Variants in NLGN1 observed in about 807,000 individuals in gnomAD.
NLGN1 encodes the protein neuroligin 1.
A neutral mutation model predicts 65.5 loss-of-function variants in NLGN1; 12 were observed. That is an observed-to-expected ratio of 0.18 (90% CI 0.12 to 0.30). The LOEUF is 0.30. Among genes scored for constraint, NLGN1 ranks in the 10% least tolerant of loss-of-function variants. The pLI, the probability that NLGN1 is intolerant of heterozygous loss-of-function variation, is 1.00. For missense variants in NLGN1, 750 were observed against 1,007.1 expected (o/e 0.74, Z 3.46); for synonymous variants, 350 against 359.5 (o/e 0.97, Z 0.30).
chr3:173,933,950 A>G (rs1475451979), intron 4 of NLGN1, among the ~76,000 whole-genome samples: 1 of 151,936 alleles, frequency 6.6e-6, no homozygotes, highest in Non-Finnish European at 1.5e-5. Flanking sequence ...AGGATGTTCT[A>G]TTAAATAATA....
At chr3:173,624,353 G>T (rs550123533) in intron 3 of NLGN1, among the ~76,000 whole-genome samples, 1 of 152,166 alleles carries the variant, frequency 6.6e-6, no homozygotes, top group Non-Finnish European at 1.5e-5. Context: ...TGAGTTTCAA[G>T]ACTTCACTTC....
At chr3:173,663,371 TG>T (rs1166040031) in intron 3 of NLGN1, among the ~76,000 whole-genome samples, 9 of 152,036 alleles carry the variant, frequency 5.9e-5, no homozygotes, top group Admixed American at 1.3e-4. Flanking sequence ...TGCACAAAGT[TG>T]TTTAACTTAT....
At chr3:173,958,386 A>G (rs891286570) in intron 4 of NLGN1, among the ~76,000 whole-genome samples, 19 of 152,264 alleles carry the variant, frequency 1.2e-4, no homozygotes, top group African/African-American at 4.3e-4. Context: ...CTGGCAGGGT[A>G]TCCTGATGAG....
intron 2 of NLGN1, among the ~76,000 whole-genome samples, chr3:173,572,273 C>T (rs932814218): frequency 6.6e-6 from 1 of 152,158 alleles, no homozygotes; most frequent in African/African-American, 2.4e-5. Flanking sequence ...TTTTTACTCC[C>T]CTCCCAAGGG....
intron 3 of NLGN1, among the ~76,000 whole-genome samples, chr3:173,745,508 A>G (rs1437552911): frequency 6.6e-6 from 1 of 152,098 alleles, no homozygotes; most frequent in Non-Finnish European, 1.5e-5. Context: ...TTTATTTTAA[A>G]CAGACAAAAG....
At chr3:173,922,734 T>C (rs1742282618) in intron 4 of NLGN1, among the ~76,000 whole-genome samples, 1 of 152,134 alleles carries the variant, frequency 6.6e-6, no homozygotes, top group Non-Finnish European at 1.5e-5. Context: ...TGGCTTCTAT[T>C]CTAATGCCAT....
intron 4 of NLGN1, among the ~76,000 whole-genome samples, chr3:173,829,809 G>T (rs1426348024): frequency 6.6e-6 from 1 of 152,010 alleles, no homozygotes; most frequent in Non-Finnish European, 1.5e-5. Context: ...CTGCCCCCTT[G>T]CCTTCCAAAA....
intron 3 of NLGN1, among the ~76,000 whole-genome samples, chr3:173,708,854 T>C (rs1276145114): frequency 1.3e-5 from 2 of 152,202 alleles, no homozygotes; most frequent in Non-Finnish European, 2.9e-5. Context: ...AATACATTGA[T>C]TTTCAATTAT....
chr3:173,682,081 A>T (rs897572297), intron 3 of NLGN1, among the ~76,000 whole-genome samples: 2 of 152,074 alleles, frequency 1.3e-5, no homozygotes, highest in African/African-American at 2.4e-5. Flanking sequence ...TTCTGTGGGT[A>T]ATTTGTCTTT....
At chr3:173,680,179 C>A (rs910213180) in intron 3 of NLGN1, among the ~76,000 whole-genome samples, 1 of 151,936 alleles carries the variant, frequency 6.6e-6, no homozygotes, top group Admixed American at 6.6e-5. Flanking sequence ...TGTTTCTTAG[C>A]GGGGTAGTGG....
intron 2 of NLGN1, among the ~76,000 whole-genome samples, chr3:173,479,985 A>G (rs1560312908): frequency 2.6e-5 from 4 of 152,122 alleles, no homozygotes; most frequent in African/African-American, 9.7e-5. Context: ...CATTGAAGAG[A>G]ACCAGAAAGA....
intron 3 of NLGN1, among the ~76,000 whole-genome samples, chr3:173,618,147 A>G (rs565680440): frequency 6.6e-6 from 1 of 152,194 alleles, no homozygotes; most frequent in East Asian, 1.9e-4. Flanking sequence ...TCCGTTGGTT[A>G]TCACCATAAA....
At chr3:174,288,873 TAAAACTTTA>T (rs1445694520), downstream of NLGN1, among the ~76,000 whole-genome samples, 2 of 151,574 alleles carry the variant, frequency 1.3e-5, no homozygotes, top group Non-Finnish European at 3.0e-5. Context: ...TACTTTCTAC[TAAAACTTTA>T]AAAATTCTAA....
chr3:173,708,003 C>T (rs1013811180), intron 3 of NLGN1, among the ~76,000 whole-genome samples: 1 of 152,154 alleles, frequency 6.6e-6, no homozygotes, highest in African/African-American at 2.4e-5. Flanking sequence ...TGACAAAGCA[C>T]AATTTTAATT....
chr3:174,265,416 A>G (rs1039729288), intron 4 of NLGN1, among the ~76,000 whole-genome samples: 3 of 152,056 alleles, frequency 2.0e-5, no homozygotes, highest in Non-Finnish European at 2.9e-5. Context: ...GAAAAGCACA[A>G]TATTCGGATG....
intron 3 of NLGN1, among the ~76,000 whole-genome samples, chr3:173,719,812 G>A (rs1770528299): frequency 6.6e-6 from 1 of 152,008 alleles, no homozygotes; most frequent in Admixed American, 6.6e-5. Flanking sequence ...TTTGAGGTGT[G>A]CCTAAAAGTG....
chr3:174,076,708 AGAGAGAGAGAGAGAGAGTGTGTGTGTGT>A (rs1741017138), intron 4 of NLGN1, among the ~76,000 whole-genome samples: 1 of 139,660 alleles, frequency 7.2e-6, no homozygotes, highest in African/African-American at 2.7e-5. Context: ...AGAGAGAGAG[AGAGAGAGAGAGAGAGAGTGTGTGTGTGT>A]GTGTGTGTGT....
intron 4 of NLGN1, among the ~76,000 whole-genome samples, chr3:174,091,269 A>G (rs1170624162): frequency 2.0e-5 from 3 of 152,216 alleles, no homozygotes; most frequent in South Asian, 2.1e-4. Flanking sequence ...GCTTTCTCTT[A>G]TAACCATCAG....
At chr3:174,271,680 T>C (rs1749430606) in intron 4 of NLGN1, among the ~76,000 whole-genome samples, 5 of 151,834 alleles carry the variant, frequency 3.3e-5, no homozygotes, top group Admixed American at 3.3e-4. Flanking sequence ...CTAAGCCTGC[T>C]CAGTAGATGT....
Sources: gnomAD v4.1 joint callset for allele counts (sites outside exome capture counted in the v4.1 genomes callset) on GRCh38, gnomAD v4.1.1 for gene constraint, MANE v1.5 for transcripts, NCBI Gene and HGNC (gene_info 2026-07-23, HGNC 2026-07-21) for gene names.